SMG6: variants seen among roughly 807,000 people sequenced by gnomAD.
The protein encoded by SMG6 is SMG6 nonsense mediated mRNA decay factor, also known as telomerase-binding protein EST1A.
SMG6 carries 66 observed loss-of-function variants against 142.2 expected under a neutral mutation model. That is an observed-to-expected ratio of 0.46 (90% CI 0.38 to 0.57). The LOEUF (loss-of-function observed/expected upper bound fraction) is 0.57. Among genes scored for constraint, SMG6 ranks in the 20% least tolerant of loss-of-function variants. SMG6 has a pLI of 0.00. For synonymous variants in SMG6, 779 were observed against 702.4 expected (o/e 1.11, Z -1.72); for missense variants, 1,793 against 1,832.0 (o/e 0.98, Z 0.39).
intron 10 of SMG6, among the ~76,000 whole-genome samples, chr17:2,209,399 C>G (rs1287808355): frequency 1.3e-5 from 2 of 152,102 alleles, no homozygotes; most frequent in African/African-American, 4.8e-5. Flanking sequence ...GAGTCTTGCT[C>G]TGTTGCCCAG....
chr17:2,191,598 G>A (rs773645970), intron 10 of SMG6, among the ~76,000 whole-genome samples: 14 of 152,162 alleles, frequency 9.2e-5, no homozygotes, highest in Non-Finnish European at 1.8e-4. Flanking sequence ...TAAGGGTTTC[G>A]GGTAAGGGTT....
intron 8 of SMG6, among the ~76,000 whole-genome samples, chr17:2,274,222 T>C (rs985506650): frequency 5.3e-5 from 8 of 152,352 alleles, no homozygotes; most frequent in Admixed American, 3.9e-4. Context: ...TGGCCCTTCA[T>C]AGAAAAAGTT....
intron 13 of SMG6, among the ~76,000 whole-genome samples, chr17:2,110,128 T>A (rs2069272351): frequency 1.3e-5 from 2 of 150,174 alleles, no homozygotes. Context: ...CTAAAAGCTG[T>A]CACTTAATTC....
rs216181 is a variant in SMG6 at position 2,269,459 on chromosome 17, A to T, written c.2661+13188T>A. Among the ~76,000 whole-genome samples, 12 of 28,148 alleles carry T rather than the reference A, an allele frequency of 4.3e-4. No individual in the cohort carries two copies. In the East Asian group the frequency reaches 0.014, roughly 32 times the overall value. 18.5% of individuals were successfully genotyped at this position (28,148 alleles called of 152,430 possible). A position where few individuals can be genotyped will look rare whatever the true frequency, so the allele number is the denominator to read the frequency against. Reference sequence around the variant, plus strand: ...CTTTCAAAACAAAAAACTATACATTAAAAAAAAAAAAAATAGCCCTCAAGC... The same window carrying T: ...CTTTCAAAACAAAAAACTATACATTTAAAAAAAAAAAAATAGCCCTCAAGC... On this transcript the variant is annotated intron_variant, in intron 8 of 18. Coordinates refer to ENST00000263073, the MANE Select transcript of SMG6 (RefSeq NM_017575.5).
At chr17:2,139,570 C>T (rs1277849100) in intron 13 of SMG6, among the ~76,000 whole-genome samples, 4 of 150,212 alleles carry the variant, frequency 2.7e-5, no homozygotes, top group South Asian at 2.1e-4. Context: ...CACAGGCGTG[C>T]GCCACCATGC....
At chr17:2,236,665 G>A (rs754940136) in intron 9 of SMG6, 28 bp from the exon 10 acceptor site, 1 of 1,595,340 alleles carries the variant, frequency 6.3e-7, no homozygotes, top group Non-Finnish European at 8.5e-7. Flanking sequence ...CCATCAATGA[G>A]GCACCTCTCT....
At chr17:2,254,285 T>C (rs1293052598) in intron 8 of SMG6, among the ~76,000 whole-genome samples, 1 of 152,178 alleles carries the variant, frequency 6.6e-6, no homozygotes, top group Non-Finnish European at 1.5e-5. Flanking sequence ...CGTGATCCCA[T>C]GGACAACCAG....
chr17:2,167,131 CAAAAAAAAAAA>C (rs57898779), intron 13 of SMG6, among the ~76,000 whole-genome samples: 3 of 35,714 alleles, frequency 8.4e-5, no homozygotes, highest in African/African-American at 3.1e-4. Flanking sequence ...GACTCCATCT[CAAAAAAAAAAA>C]AAAAAAAAAA....
intron 13 of SMG6, among the ~76,000 whole-genome samples, chr17:2,162,424 G>C (rs796588754): frequency 6.7e-6 from 1 of 149,348 alleles, no homozygotes; most frequent in South Asian, 2.2e-4. Context: ...TGAGGCAGGA[G>C]AATGGTGTGA....
At chr17:2,239,232 G>A (rs1227791279) in intron 9 of SMG6, among the ~76,000 whole-genome samples, 2 of 152,100 alleles carry the variant, frequency 1.3e-5, no homozygotes, top group Admixed American at 1.3e-4. Context: ...TCTTTTTGGA[G>A]GGCACAGAGT....
At chr17:2,135,025 G>GT (rs1055524514) in intron 13 of SMG6, among the ~76,000 whole-genome samples, 2 of 151,982 alleles carry the variant, frequency 1.3e-5, no homozygotes, top group Admixed American at 6.6e-5. Flanking sequence ...GATTACAGGC[G>GT]TGAGCCACCA....
chr17:2,151,213 T>C (rs1421818811), intron 13 of SMG6, among the ~76,000 whole-genome samples: 2 of 152,248 alleles, frequency 1.3e-5, no homozygotes, highest in African/African-American at 2.4e-5. Context: ...GTTTTCCAGA[T>C]GGGATCATTT....
At chr17:2,303,079 C>T in intron 1 of SMG6, 4 of 985,456 alleles carry the variant, frequency 4.1e-6, no homozygotes, top group Non-Finnish European at 4.8e-6. Flanking sequence ...ATAAAAACTG[C>T]TCCCACACAT....
intron 13 of SMG6, among the ~76,000 whole-genome samples, chr17:2,109,950 G>A (rs1004444229): frequency 3.3e-5 from 5 of 151,972 alleles, no homozygotes; most frequent in African/African-American, 7.2e-5. Flanking sequence ...AGGCGTGGTG[G>A]TGCACGTCTG....
intron 13 of SMG6, among the ~76,000 whole-genome samples, chr17:2,157,609 T>A (rs977165290): frequency 1.3e-5 from 2 of 152,220 alleles, no homozygotes; most frequent in African/African-American, 4.8e-5. Context: ...AAGCATGGAC[T>A]TTCCTTTTGC....
rs1486208783 is a variant in SMG6 at position 2,112,243 on chromosome 17, G to A, written c.3358-26342C>T. Among the ~76,000 whole-genome samples, 5 of 151,778 alleles carry A rather than the reference G, an allele frequency of 3.3e-5. No homozygotes were observed. In the East Asian group the frequency reaches 5.8e-4, roughly 18 times the overall value. Reference sequence around the variant, plus strand: ...AAGTCGGCCGGGCGCGGTGGCTCACGCCTGTAATCCCAGCACTTTGGGAGG... The same window carrying A: ...AAGTCGGCCGGGCGCGGTGGCTCACACCTGTAATCCCAGCACTTTGGGAGG... On this transcript the variant is annotated intron_variant, in intron 13 of 18. Transcript: ENST00000263073.
At chr17:2,289,124 C>T (rs1335387033) in intron 6 of SMG6, among the ~76,000 whole-genome samples, 2 of 150,964 alleles carry the variant, frequency 1.3e-5, no homozygotes, top group African/African-American at 2.4e-5. Context: ...GTGGCGGGCA[C>T]CTGTAGTTGC....
intron 6 of SMG6, among the ~76,000 whole-genome samples, chr17:2,287,265 C>T (rs1048883415): frequency 6.6e-6 from 1 of 152,114 alleles, no homozygotes; most frequent in Non-Finnish European, 1.5e-5. Flanking sequence ...AGACATTTCT[C>T]CAAAGATGAT....
At chr17:2,121,366 A>G in intron 13 of SMG6, among the ~76,000 whole-genome samples, 1 of 152,208 alleles carries the variant, frequency 6.6e-6, no homozygotes, top group Non-Finnish European at 1.5e-5. Context: ...AGGAATCTCA[A>G]AAAGATTAAG....
Sources: allele counts gnomAD v4.1 joint callset (sites outside exome capture counted in the v4.1 genomes callset), GRCh38; gene constraint gnomAD v4.1.1; transcripts MANE v1.5; gene names NCBI Gene and HGNC (gene_info 2026-07-23, HGNC 2026-07-21).